ITGA2B: variants seen among roughly 807,000 people sequenced by gnomAD.
ITGA2B encodes integrin subunit alpha 2b, also known as integrin alpha-IIb.
Under a neutral mutation model 142.0 loss-of-function variants are expected in ITGA2B, and 91 were observed. The ratio of observed to expected loss-of-function variants is 0.64; its 90% confidence interval spans 0.54 to 0.76. ITGA2B has a LOEUF of 0.76. Ranked by LOEUF, ITGA2B falls within the 30% of genes least tolerant of loss-of-function variation. The pLI, the probability that ITGA2B is intolerant of heterozygous loss-of-function variation, is 0.00. For synonymous variants in ITGA2B, 536 were observed against 567.2 expected (o/e 0.94, Z 0.78); for missense variants, 1,231 against 1,350.8 (o/e 0.91, Z 1.39).
At position 44,385,718 on chromosome 17, in the gene ITGA2B, T is replaced by G; in HGVS notation, c.409-2A>C. The G allele has an allele frequency of 6.2e-7, 1 of 1,613,600 alleles. No homozygotes were observed. The highest frequency in any genetic ancestry group is 8.5e-7 in the Non-Finnish European group (1 of 1,179,976). Reference sequence around the variant, plus strand: ...CCAGTGCTGCCAGGGGGCGCAGGCCTGGAGAAAGGCCACAGGAGTGGGGAC... The same window carrying G: ...CCAGTGCTGCCAGGGGGCGCAGGCCGGGAGAAAGGCCACAGGAGTGGGGAC... On this transcript the variant is annotated splice_acceptor_variant, in intron 3 of 29. Coordinates refer to ENST00000262407, the MANE Select transcript of ITGA2B (RefSeq NM_000419.5). LOFTEE classifies it high-confidence loss of function.
chr17:44,385,504 G>A, intron 4 of ITGA2B, 47 bp downstream of exon 4: 1 of 1,533,476 alleles, frequency 6.5e-7, no homozygotes, highest in Middle Eastern at 2.2e-4. Context: ...TGGGGGCGGG[G>A]CCAAGCCGTC....
rs542943509 is a variant in ITGA2B, at chr17:44,382,995, T to G, written c.1210+498A>C. On this transcript the variant is annotated intron_variant, in intron 12 of 29. Transcript: ENST00000262407. ...CCCCTGTCTCCCATTCAGATCTCTC[T>G]TGTGGAAGCGGGGAGAGCCACTCCC... Among the ~76,000 whole-genome samples the G allele has an allele frequency of 7.2e-5, 11 of 152,242 alleles. No homozygotes were observed. In the South Asian group the frequency reaches 1.5e-3, roughly 20 times the overall value.
At chr17:44,384,262 G>A (rs769464802) in intron 9 of ITGA2B, 49 bp downstream of exon 9, 16 of 1,610,784 alleles carry the variant, frequency 9.9e-6, no homozygotes, top group East Asian at 2.2e-5. Context: ...TTGTCAGCCT[G>A]AGAACTGGGA....
At position 44,380,106 on chromosome 17, in the gene ITGA2B, G is replaced by C; in HGVS notation, c.1648C>G (p.Arg550Gly). Residue 550 changes from arginine (R) to glycine (G), a missense_variant, in exon 17 of 30, where the codon CGG (arginine) becomes GGG (glycine). Physicochemically the swap from Arg to Gly is moderately radical, Grantham distance 125. Coordinates refer to ENST00000262407, the MANE Select transcript of ITGA2B (RefSeq NM_000419.5). ...TGAGAGCCCAGCAGCAGCACCCGCCGGCCCTGGCGGGGCTTCTGCCGGTCC... is the reference window on the plus strand; with the variant it reads ...TGAGAGCCCAGCAGCAGCACCCGCCCGCCCTGGCGGGGCTTCTGCCGGTCC... ...QLDRQKPRQG[R>G]RVLLLGSQQA... 1 of 1,613,888 alleles carries C rather than the reference G, an allele frequency of 6.2e-7. No homozygotes were observed. The highest frequency in any genetic ancestry group is 8.5e-7 in the Non-Finnish European group (1 of 1,179,976).
In ITGA2B at chr17:44,386,149, G is replaced by C. The variant is rs1020709675; in HGVS notation, c.189-18C>G. On this transcript the variant is annotated intron_variant, in intron 1 of 29. Coordinates refer to ENST00000262407, the MANE Select transcript of ITGA2B (RefSeq NM_000419.5). ...TGGCCACTCTGCATAGGAAAGCTGG[G>C]TGAGCGCCGCGCAGATTCCAGCGTA... is the stretch of plus-strand genomic sequence containing the variant. 3 of 1,578,996 alleles carry C rather than the reference G, an allele frequency of 1.9e-6. No homozygotes were observed. In the Admixed American group the frequency reaches 5.5e-5, roughly 29 times the overall value.
Position 44,380,100 on chromosome 17 carries a change from C to G in ITGA2B, c.1654G>C (p.Val552Leu), listed in dbSNP as rs1269671322. Residue 552 changes from valine (V) to leucine (L), a missense_variant, in exon 17 of 30, where the codon GTG becomes CTG. Val to Leu is a conservative substitution (Grantham distance 32). This residue lies in a region of ITGA2B where 908 missense variants were observed against 1,021.1 expected (regional missense o/e 0.89). Coordinates refer to ENST00000262407, the MANE Select transcript of ITGA2B (RefSeq NM_000419.5). ...GCCTGTTGAGAGCCCAGCAGCAGCA[C>G]CCGCCGGCCCTGGCGGGGCTTCTGC... The part of the protein sequence containing the change: ...DRQKPRQGRR[V>L]LLLGSQQAGT... The G allele has an allele frequency of 6.2e-7, 1 of 1,613,952 alleles. No individual in the cohort carries two copies. Among genetic ancestry groups the G allele is most frequent in the African/African-American group, 1.3e-5 (1 of 75,034 alleles).
At chr17:44,382,735 A>G (rs967736591) in intron 12 of ITGA2B, among the ~76,000 whole-genome samples, 9 of 151,632 alleles carry the variant, frequency 5.9e-5, no homozygotes, top group Non-Finnish European at 8.8e-5. Flanking sequence ...TGTATCTTGC[A>G]GCAGCAGCAG....
chr17:44,375,302 A>G, intron 26 of ITGA2B, 191 bp from the exon 27 acceptor site: 1 of 656,238 alleles, frequency 1.5e-6, no homozygotes, highest in Non-Finnish European at 2.7e-6. Flanking sequence ...AGTCCCAGAG[A>G]TGCAGGGAGG....
At chr17:44,376,492 C>T (rs2048545774) in intron 22 of ITGA2B, 104 bp from the exon 23 acceptor site, 3 of 994,446 alleles carry the variant, frequency 3.0e-6, no homozygotes, top group Non-Finnish European at 4.8e-6. Context: ...GCTAATTATA[C>T]AAAGAGCATG....
intron 12 of ITGA2B, among the ~76,000 whole-genome samples, chr17:44,382,045 T>C (rs2048602106): frequency 6.6e-6 from 1 of 152,174 alleles, no homozygotes; most frequent in African/African-American, 2.4e-5. Context: ...TGTTATGCTA[T>C]AATCCCACAC....
chr17:44,384,691 T>C (rs1044989237), intron 7 of ITGA2B, 106 bp from the exon 8 acceptor site: 129 of 1,414,122 alleles, frequency 9.1e-5, no homozygotes, highest in Non-Finnish European at 1.3e-4. Context: ...CCCTGCATTG[T>C]GCAGATGGAA....
Position 44,372,785 on chromosome 17 carries a change from C to T in ITGA2B, c.3061-362G>A, listed in dbSNP as rs1032176619. The stretch of plus-strand genomic sequence containing the variant: ...CTGGGTTTACAGGTGTGTGCCACCA[C>T]GCCCAGCTAATTTTTAGTAGAGACA... On this transcript the variant is annotated intron_variant, in intron 29 of 29. Coordinates refer to ENST00000262407, the MANE Select transcript of ITGA2B (RefSeq NM_000419.5). Among the ~76,000 whole-genome samples the T allele has an allele frequency of 4.6e-5, 7 of 151,758 alleles. No individual in the cohort carries two copies. In the East Asian group the frequency reaches 5.8e-4, roughly 13 times the overall value.
intron 22 of ITGA2B, 112 bp downstream of exon 22, chr17:44,376,897 G>A: frequency 1.2e-6 from 1 of 815,302 alleles, no homozygotes; most frequent in Non-Finnish European, 2.0e-6. Flanking sequence ...ACAGGTGTGA[G>A]CCACTGCGCC....
At position 44,378,315 on chromosome 17, in the gene ITGA2B, C is replaced by T. The variant is rs1273598528; in HGVS notation, c.2094+47G>A. 4 of 1,584,496 alleles carry T rather than the reference C, an allele frequency of 2.5e-6. No homozygotes were observed. The East Asian group carries it at 6.8e-5, about 27-fold the overall frequency. On this transcript the variant is annotated intron_variant, in intron 20 of 29. Coordinates refer to ENST00000262407, the MANE Select transcript of ITGA2B (RefSeq NM_000419.5). ...GAGGGAGATGAGAGAGCCAAGGCTC[C>T]AGTGCCTCCCAGGTCCCGGGTACTG... is the stretch of plus-strand genomic sequence containing the variant.
At chr17:44,381,137 T>G (rs1275120916) in intron 12 of ITGA2B, 76 bp from the exon 13 acceptor site, 1 of 1,425,848 alleles carries the variant, frequency 7.0e-7, no homozygotes, top group African/African-American at 1.4e-5. Context: ...TTCCTGAGCT[T>G]CTCTGGGAAC....
chr17:44,382,522 T>G (rs2048605951), intron 12 of ITGA2B, among the ~76,000 whole-genome samples: 1 of 152,036 alleles, frequency 6.6e-6, no homozygotes, highest in Non-Finnish European at 1.5e-5. Context: ...TTTTTTTTAT[T>G]TTGTTGAGAT....
chr17:44,378,228 T>TAAA, intron 20 of ITGA2B, 134 bp downstream of exon 20: 1 of 1,119,586 alleles, frequency 8.9e-7, no homozygotes, highest in Non-Finnish European at 1.2e-6. Context: ...TCCTCCAAAT[T>TAAA]AAAAAAAAAA....
At chr17:44,379,168 A>G (rs868354564) in intron 18 of ITGA2B, among the ~76,000 whole-genome samples, 13 of 143,626 alleles carry the variant, frequency 9.1e-5, no homozygotes, top group South Asian at 2.2e-4. Flanking sequence ...GTTAGCCAGG[A>G]TGGTCTTGAT....
At position 44,389,487 on chromosome 17, in the gene ITGA2B, C is replaced by T; in HGVS notation, c.-14G>A. ...AGCTCTGGCCATCTTCCTTCTTCCACAACCTCCCAGGCAGGAATGGGCCAG... is the reference window on the plus strand; with the variant it reads ...AGCTCTGGCCATCTTCCTTCTTCCATAACCTCCCAGGCAGGAATGGGCCAG... On this transcript the variant is annotated 5_prime_UTR_variant, in exon 1 of 30. It adds an upstream start codon to the 5' untranslated region. Coordinates refer to ENST00000262407, the MANE Select transcript of ITGA2B (RefSeq NM_000419.5). 6.2e-7 allele frequency: 1 copy of T among 1,612,714 alleles called. No homozygotes were observed. Among genetic ancestry groups the T allele is most frequent in the Non-Finnish European group, 8.5e-7 (1 of 1,179,862 alleles).
Sources: gnomAD v4.1 joint callset for allele counts (sites outside exome capture counted in the v4.1 genomes callset) on GRCh38, gnomAD v4.1.1 for gene constraint, gnomAD v4.1.1 regional missense constraint, MANE v1.5 for transcripts, NCBI Gene and HGNC (gene_info 2026-07-23, HGNC 2026-07-21) for gene names.